Variants in ARHGEF3 observed in about 807,000 individuals in gnomAD.
ARHGEF3 encodes Rho guanine nucleotide exchange factor 3.
Under a neutral mutation model 63.2 loss-of-function variants are expected in ARHGEF3, and 28 were observed. The observed-to-expected ratio is 0.44, with a 90% CI of 0.33 to 0.61. The LOEUF is 0.61. Among genes scored for constraint, ARHGEF3 ranks in the 20% least tolerant of loss-of-function variants. The probability of loss-of-function intolerance (pLI) is 0.03; values close to 1 mark genes in which losing one functional copy is unlikely to be tolerated. For synonymous variants in ARHGEF3, 266 were observed against 254.2 expected (o/e 1.05, Z -0.44); for missense variants, 533 against 659.3 (o/e 0.81, Z 2.10).
intron 4 of ARHGEF3, among the ~76,000 whole-genome samples, chr3:56,833,017 A>T (rs1459104586): frequency 6.6e-6 from 1 of 152,234 alleles, no homozygotes; most frequent in Non-Finnish European, 1.5e-5. Flanking sequence ...TTGTTTATCC[A>T]TTCCTCAATT....
In ARHGEF3 at chr3:56,758,915, GAA is replaced by G. The variant is rs2035258283; in HGVS notation, c.205-3766_205-3765del. Among the ~76,000 whole-genome samples, 9 of 152,264 alleles carry G rather than the reference GAA, an allele frequency of 5.9e-5. No homozygotes were observed. The South Asian group carries it at 1.9e-3, about 32-fold the overall frequency. Reference sequence around the variant, plus strand: ...GAAACACACACAAAAACTTCAAAATGAAAGTTTCCACTTTCACTTGAGAGAAT... The same window carrying G: ...GAAACACACACAAAAACTTCAAAATGAGTTTCCACTTTCACTTGAGAGAAT... On this transcript the variant is annotated intron_variant, in intron 2 of 9. Transcript: ENST00000296315.
chr3:56,942,181 C>T (rs914986169), intron 3 of ARHGEF3, among the ~76,000 whole-genome samples: 6 of 152,162 alleles, frequency 3.9e-5, no homozygotes, highest in Admixed American at 3.9e-4. Flanking sequence ...TTACAAGGAT[C>T]TCTCATTTTA....
intron 2 of ARHGEF3, among the ~76,000 whole-genome samples, chr3:56,757,604 C>T (rs1245899938): frequency 6.6e-6 from 1 of 152,034 alleles, no homozygotes; most frequent in East Asian, 1.9e-4. Flanking sequence ...TATATGTGAA[C>T]ATTTTATAGT....
At chr3:56,947,986 G>T (rs555118974) in intron 3 of ARHGEF3, among the ~76,000 whole-genome samples, 1 of 152,062 alleles carries the variant, frequency 6.6e-6, no homozygotes, top group Non-Finnish European at 1.5e-5. Flanking sequence ...ACTCAAAACC[G>T]CTCAACTACA....
intron 3 of ARHGEF3, among the ~76,000 whole-genome samples, chr3:56,903,805 A>C (rs994420515): frequency 6.6e-6 from 1 of 152,100 alleles, no homozygotes; most frequent in African/African-American, 2.4e-5. Flanking sequence ...AAAATTAGTG[A>C]GGGTCCCAAT....
intron 3 of ARHGEF3, among the ~76,000 whole-genome samples, chr3:56,892,377 C>T (rs2041153487): frequency 6.6e-6 from 1 of 152,110 alleles, no homozygotes; most frequent in South Asian, 2.1e-4. Context: ...TTTACTAGGC[C>T]TTCTAAATTA....
chr3:57,075,782 C>A (rs1022589560), intron 1 of ARHGEF3, among the ~76,000 whole-genome samples: 2 of 152,082 alleles, frequency 1.3e-5, no homozygotes, highest in African/African-American at 2.4e-5. Flanking sequence ...TGCATGCCAG[C>A]CTGGGCAAGA....
chr3:56,813,715 C>T (rs1382958249), intron 4 of ARHGEF3, among the ~76,000 whole-genome samples: 1 of 152,130 alleles, frequency 6.6e-6, no homozygotes, highest in African/African-American at 2.4e-5. Context: ...AAAAACAACC[C>T]ACCCATTTAA....
chr3:56,813,270 T>G (rs1007146312), intron 4 of ARHGEF3, among the ~76,000 whole-genome samples: 18 of 152,166 alleles, frequency 1.2e-4, no homozygotes, highest in African/African-American at 9.7e-5. Flanking sequence ...GGAGAAACAA[T>G]AGCTGGGAAG....
rs544217627 is a variant in ARHGEF3, at chr3:56,957,205, C to T, written c.129+1618G>A. On this transcript the variant is annotated intron_variant, in intron 3 of 12. Transcript: ENST00000338458. ...CATGCACATCTATTTCAGAAGTCAACACATTTCTCTTTGTACTCAATAAAA... is the reference window on the plus strand; with the variant it reads ...CATGCACATCTATTTCAGAAGTCAATACATTTCTCTTTGTACTCAATAAAA... Among the ~76,000 whole-genome samples the T allele has an allele frequency of 1.6e-4, 25 of 152,318 alleles. 1 individual carries two copies. In the South Asian group the frequency reaches 5.2e-3, roughly 32 times the overall value.
chr3:56,831,902 A>G (rs912859013), intron 4 of ARHGEF3, among the ~76,000 whole-genome samples: 2 of 152,260 alleles, frequency 1.3e-5, no homozygotes, highest in African/African-American at 4.8e-5. Context: ...TTCTCTAACA[A>G]CAGGCAAGAG....
intron 3 of ARHGEF3, among the ~76,000 whole-genome samples, chr3:56,923,156 A>G (rs907309751): frequency 2.7e-5 from 4 of 149,332 alleles, no homozygotes; most frequent in Non-Finnish European, 5.9e-5. Flanking sequence ...TGAACCCAGG[A>G]GGCAGAGGTT....
At chr3:57,001,375 C>A (rs1164946438) in intron 2 of ARHGEF3, among the ~76,000 whole-genome samples, 2 of 152,198 alleles carry the variant, frequency 1.3e-5, no homozygotes, top group African/African-American at 2.4e-5. Flanking sequence ...TGTGGATGAA[C>A]ATTTAGGTGT....
chr3:56,795,371 T>C (rs1229492279), intron 1 of ARHGEF3, among the ~76,000 whole-genome samples: 1 of 152,034 alleles, frequency 6.6e-6, no homozygotes, highest in Non-Finnish European at 1.5e-5. Context: ...GTTTGCTTCA[T>C]AAATCCTCAG....
intron 1 of ARHGEF3, among the ~76,000 whole-genome samples, chr3:56,792,344 C>T (rs758332463): frequency 1.1e-4 from 16 of 152,152 alleles, no homozygotes; most frequent in Non-Finnish European, 1.9e-4. Context: ...GTTCCAGGAA[C>T]ACTAGGGTAT....
chr3:56,974,942 C>T (rs1260222820), intron 2 of ARHGEF3, among the ~76,000 whole-genome samples: 5 of 152,052 alleles, frequency 3.3e-5, no homozygotes, highest in Admixed American at 6.6e-5. Context: ...TCCCACGCAC[C>T]GACACTGAGG....
At chr3:56,922,956 C>A (rs559789619) in intron 3 of ARHGEF3, among the ~76,000 whole-genome samples, 1 of 142,336 alleles carries the variant, frequency 7.0e-6, no homozygotes, top group African/African-American at 2.6e-5. Flanking sequence ...GAAGCGTAGG[C>A]GGAAGGATCA....
chr3:57,053,464 A>G (rs1441250968), intron 1 of ARHGEF3, among the ~76,000 whole-genome samples: 1 of 152,194 alleles, frequency 6.6e-6, no homozygotes, highest in Non-Finnish European at 1.5e-5. Flanking sequence ...GACTCTGGAA[A>G]AGTTTCTATG....
chr3:57,031,673 T>A (rs1579128969), intron 2 of ARHGEF3, among the ~76,000 whole-genome samples: 1 of 152,226 alleles, frequency 6.6e-6, no homozygotes, highest in African/African-American at 2.4e-5. Flanking sequence ...AACAATCAAT[T>A]AATCGTTCAA....
Sources: allele counts gnomAD v4.1 joint callset (sites outside exome capture counted in the v4.1 genomes callset), GRCh38; gene constraint gnomAD v4.1.1; transcripts MANE v1.5; gene names NCBI Gene and HGNC (gene_info 2026-07-23, HGNC 2026-07-21).